Variants in RPTOR observed in about 807,000 individuals in gnomAD.
RPTOR encodes regulatory associated protein of MTOR complex 1.
A neutral mutation model predicts 169.9 loss-of-function variants in RPTOR; 21 were observed. That is an observed-to-expected ratio of 0.12 (90% confidence interval 0.09 to 0.18). The LOEUF (loss-of-function observed/expected upper bound fraction) is 0.18. RPTOR is among the 10% of genes least tolerant of loss of function. The pLI is 1.00. For missense variants in RPTOR, 1,133 were observed against 1,855.9 expected, an observed-to-expected ratio of 0.61 and a Z score of 7.16; for synonymous variants, 732 against 753.2, an observed-to-expected ratio of 0.97 and a Z score of 0.46.
Position 80,632,941 on chromosome 17 carries a change from A to T in RPTOR, c.265+7148A>T, listed in dbSNP as rs1479246680. Among the ~76,000 whole-genome samples, 4 of 152,020 alleles carry T rather than the reference A, an allele frequency of 2.6e-5. No homozygotes were observed. In the East Asian group the frequency reaches 7.7e-4, roughly 29 times the overall value. On this transcript the variant is annotated intron_variant, in intron 2 of 33. Coordinates refer to ENST00000306801, the MANE Select transcript of RPTOR (RefSeq NM_020761.3). ...TCCCTCAGCTTCCTCAGTAGCTGGG[A>T]CTGTAGATGTGCATCCCCCACGCTT...
chr17:80,551,405 C>T (rs1016685138), intron 1 of RPTOR, among the ~76,000 whole-genome samples: 9 of 152,006 alleles, frequency 5.9e-5, no homozygotes, highest in Non-Finnish European at 7.4e-5. Flanking sequence ...GGTGTTTCTC[C>T]GAGAGGGGGA....
chr17:80,581,161 C>T (rs1039225731), intron 1 of RPTOR, among the ~76,000 whole-genome samples: 15 of 152,162 alleles, frequency 9.9e-5, no homozygotes, highest in Non-Finnish European at 1.5e-4. Context: ...ATGAAAGACT[C>T]GTGATTTACT....
In RPTOR at chr17:80,827,175, C is replaced by T. The variant is rs1233085778; in HGVS notation, c.1136+3952C>T. On this transcript the variant is annotated intron_variant, in intron 9 of 33. Coordinates refer to ENST00000306801, the MANE Select transcript of RPTOR (RefSeq NM_020761.3). ...TCACAGATTACAGACCAGTCATGGC[C>T]CTTCTGGTGGACGCGTCTCCCTCTG... Among the ~76,000 whole-genome samples, 4 of 152,192 alleles carry T rather than the reference C, an allele frequency of 2.6e-5. No individual in the cohort carries two copies. In the East Asian group the frequency reaches 7.7e-4, roughly 29 times the overall value.
intron 6 of RPTOR, among the ~76,000 whole-genome samples, chr17:80,756,904 AACAG>A (rs765049880): frequency 2.2e-4 from 33 of 152,242 alleles, no homozygotes; most frequent in East Asian, 3.8e-4. Flanking sequence ...AGCAACACAA[AACAG>A]ACAGACAGAC....
rs757198153 is a variant in RPTOR, at chr17:80,908,872, C to T, written c.2463C>T (p.Asp821=). Residue 821 remains aspartate (D), a synonymous_variant, in exon 21 of 34, where the codon GAC becomes GAT. Coordinates refer to ENST00000306801, the MANE Select transcript of RPTOR (RefSeq NM_020761.3). ...IWRVLLHLAA[D]PYPEVSDVAM... is the part of the protein sequence containing the mutation. ...GAGTCCTGCTGCACCTGGCTGCTGACCCCTATCCAGAGGTCTCGGACGTGG... is the reference window on the plus strand; with the variant it reads ...GAGTCCTGCTGCACCTGGCTGCTGATCCCTATCCAGAGGTCTCGGACGTGG... 6.2e-7 allele frequency: 1 copy of T among 1,614,168 alleles called. No individual in the cohort carries two copies.
chr17:80,684,158 C>T lies in RPTOR; in HGVS notation c.349-23683C>T, dbSNP rs115007281. On this transcript the variant is annotated intron_variant, in intron 3 of 33. Transcript: ENST00000306801. ...TGGGTGGGCTTTGTCCCCTCTGTTC[C>T]GGGCTGTTATTTGCACTGTACTCAA... 4.2e-3 allele frequency among the ~76,000 whole-genome samples: 643 copies of T among 152,190 alleles called. 5 individuals are homozygous for T. The highest frequency in any genetic ancestry group is 0.015 in the African/African-American group (622 of 41,510).
chr17:80,960,172 G>A lies in RPTOR; in HGVS notation c.3572G>A (p.Arg1191His), dbSNP rs2144097207. Reference sequence around the variant, plus strand: ...GCTGGCCTCGGTGACGGCTCCATCCGCGTCTACGACAGAAGGATGGCACTC... The same window carrying A: ...GCTGGCCTCGGTGACGGCTCCATCCACGTCTACGACAGAAGGATGGCACTC... ...IVAGLGDGSI[R>H]VYDRRMALSE... Residue 1191 changes from arginine (R) to histidine (H), a missense_variant, in exon 30 of 34, where the codon CGC becomes CAC. By Grantham distance (29) the Arg-to-His change is conservative. Transcript: ENST00000306801. This position sits in a 1 kb window ranked among gnomAD's most constrained non-coding sequence, Gnocchi z 4.8. 6.2e-7 allele frequency: 1 copy of A among 1,613,530 alleles called. No individual in the cohort carries two copies. Among genetic ancestry groups the A allele is most frequent in the Non-Finnish European group, 8.5e-7 (1 of 1,179,996 alleles).
intron 1 of RPTOR, among the ~76,000 whole-genome samples, chr17:80,571,284 A>G (rs572004827): frequency 1.3e-5 from 2 of 152,214 alleles, no homozygotes; most frequent in Non-Finnish European, 2.9e-5. Flanking sequence ...TTTGTTTAAG[A>G]AGGTCCTTTC....
intron 1 of RPTOR, among the ~76,000 whole-genome samples, chr17:80,565,887 C>T (rs972754096): frequency 2.0e-5 from 3 of 152,220 alleles, no homozygotes; most frequent in African/African-American, 7.2e-5. Flanking sequence ...CCAGGAGCTG[C>T]ATCTAGCGCT....
chr17:80,701,419 C>T (rs2066099738), intron 3 of RPTOR, among the ~76,000 whole-genome samples: 1 of 152,090 alleles, frequency 6.6e-6, no homozygotes, highest in Admixed American at 6.5e-5. Context: ...ATCCTAACAC[C>T]CTTAAGGGTG....
intron 24 of RPTOR, among the ~76,000 whole-genome samples, chr17:80,927,142 T>C (rs1005764104): frequency 6.6e-6 from 1 of 152,220 alleles, no homozygotes; most frequent in Admixed American, 6.5e-5. Flanking sequence ...AAACTCTGAG[T>C]GAGCCAGAGC....
rs746088030 is a variant in RPTOR at position 80,883,436 on chromosome 17, G to C, written c.1602G>C (p.Met534Ile). 6.2e-7 allele frequency: 1 copy of C among 1,614,174 alleles called. No individual in the cohort carries two copies. The highest frequency in any genetic ancestry group is 2.2e-5 in the East Asian group (1 of 44,870). The change falls in exon 15 of 34, where the codon ATG becomes ATC. Residue 534 changes from methionine (M) to isoleucine (I), a missense_variant. By Grantham distance (10) the Met-to-Ile change is conservative. Coordinates refer to ENST00000306801, the MANE Select transcript of RPTOR (RefSeq NM_020761.3). Reference protein sequence around the residue: ...DPYMPAEHRTMTAFILAVIVN... With the variant: ...DPYMPAEHRTITAFILAVIVN... ...TTTTCCAGGCTGAACACCGGACCAT[G>C]ACGGCTTTCATTCTCGCCGTGATCG...
intron 5 of RPTOR, among the ~76,000 whole-genome samples, chr17:80,745,145 C>T (rs1232629524): frequency 6.6e-6 from 1 of 152,232 alleles, no homozygotes; most frequent in African/African-American, 2.4e-5. Context: ...GAAGAATTTC[C>T]AGTATCTCCT....
At chr17:80,667,211 C>T (rs1199178938) in intron 3 of RPTOR, among the ~76,000 whole-genome samples, 1 of 152,124 alleles carries the variant, frequency 6.6e-6, no homozygotes, top group Non-Finnish European at 1.5e-5. Flanking sequence ...AAGTCCATAC[C>T]ACATTGGAAG....
At chr17:80,566,472 A>G (rs761044809) in intron 1 of RPTOR, among the ~76,000 whole-genome samples, 5 of 152,186 alleles carry the variant, frequency 3.3e-5, no homozygotes, top group Admixed American at 2.0e-4. Context: ...AATTTATGGA[A>G]GGTATACACT....
In RPTOR at chr17:80,808,415, C is replaced by T. The variant is rs1055575080; in HGVS notation, c.891-13786C>T. On this transcript the variant is annotated intron_variant, in intron 7 of 33. Transcript: ENST00000306801. The stretch of plus-strand genomic sequence containing the variant: ...CTCCAGCTTGGGTGACAGAGCAAGA[C>T]CCCATCTGCTAAAAGAAACAAAAAC... 2.0e-5 allele frequency among the ~76,000 whole-genome samples: 3 copies of T among 152,290 alleles called. No homozygotes were observed. In the East Asian group the frequency reaches 5.8e-4, roughly 29 times the overall value.
intron 32 of RPTOR, 100 bp from the exon 33 acceptor site, chr17:80,962,828 C>T (rs1229554084): frequency 9.0e-6 from 14 of 1,557,512 alleles, no homozygotes; most frequent in South Asian, 6.1e-5. Flanking sequence ...AGCCTGTCCC[C>T]GTGGTCTAGC....
At chr17:80,926,533 A>T (rs1031451745) in intron 24 of RPTOR, among the ~76,000 whole-genome samples, 1 of 152,276 alleles carries the variant, frequency 6.6e-6, no homozygotes, top group Non-Finnish European at 1.5e-5. Flanking sequence ...CTAAGAACGA[A>T]AATTGAGATT....
At chr17:80,900,049 G>A (rs1307570187) in intron 20 of RPTOR, among the ~76,000 whole-genome samples, 29 of 152,206 alleles carry the variant, frequency 1.9e-4, no homozygotes, top group Admixed American at 1.9e-3. Context: ...GTCGAAGCCA[G>A]TACCATCGGC....
Sources: gnomAD v4.1 joint callset for allele counts (sites outside exome capture counted in the v4.1 genomes callset) on GRCh38, gnomAD v4.1.1 for gene constraint, Gnocchi (gnomAD v3.1) non-coding constraint, MANE v1.5 for transcripts, NCBI Gene and HGNC (gene_info 2026-07-23, HGNC 2026-07-21) for gene names.